Variants in RASGRF2 observed in about 807,000 individuals in gnomAD.
RASGRF2 encodes Ras protein specific guanine nucleotide releasing factor 2, also known as ras-specific guanine nucleotide-releasing factor 2.
RASGRF2 carries 76 observed loss-of-function variants against 151.0 expected under a neutral mutation model. That is an observed-to-expected ratio of 0.50 (90% confidence interval 0.42 to 0.61). The LOEUF (loss-of-function observed/expected upper bound fraction) is 0.61. Among genes scored for constraint, RASGRF2 ranks in the 20% least tolerant of loss-of-function variants. The pLI is 0.00. For missense variants in RASGRF2, 1,148 were observed against 1,564.6 expected, an observed-to-expected ratio of 0.73 and a Z score of 4.49; for synonymous variants, 504 against 566.5, an observed-to-expected ratio of 0.89 and a Z score of 1.57.
intron 1 of RASGRF2, among the ~76,000 whole-genome samples, chr5:80,971,499 C>T (rs1747931455): frequency 6.6e-6 from 1 of 151,610 alleles, no homozygotes; most frequent in African/African-American, 2.4e-5. Flanking sequence ...CCTCCTCAGG[C>T]TTAAGTGATC....
At chr5:81,154,846 T>C (rs1754224021) in intron 17 of RASGRF2, among the ~76,000 whole-genome samples, 1 of 152,232 alleles carries the variant, frequency 6.6e-6, no homozygotes, top group African/African-American at 2.4e-5. Flanking sequence ...TTTGATATTT[T>C]GAGAAACCTC....
chr5:81,146,699 A>G (rs2112611529), intron 17 of RASGRF2, among the ~76,000 whole-genome samples: 1 of 152,280 alleles, frequency 6.6e-6, no homozygotes, highest in Non-Finnish European at 1.5e-5. Context: ...TCTAGCCACC[A>G]CTGACCTCGC....
At chr5:81,028,735 G>A (rs1244684703) in intron 1 of RASGRF2, among the ~76,000 whole-genome samples, 1 of 152,222 alleles carries the variant, frequency 6.6e-6, no homozygotes, top group Non-Finnish European at 1.5e-5. Flanking sequence ...CCCAGGGTGA[G>A]CGACGCAGAA....
At chr5:80,966,374 T>C (rs1747722381) in intron 1 of RASGRF2, among the ~76,000 whole-genome samples, 1 of 152,178 alleles carries the variant, frequency 6.6e-6, no homozygotes. Flanking sequence ...AGACTGTAAA[T>C]AGTAAAATTT....
intron 26 of RASGRF2, among the ~76,000 whole-genome samples, chr5:81,224,287 G>T (rs116830227): frequency 5.3e-5 from 8 of 152,320 alleles, no homozygotes; most frequent in African/African-American, 1.9e-4. Flanking sequence ...AAATTTAAAA[G>T]ATTGATAATA....
chr5:81,123,869 T>TC, intron 16 of RASGRF2, 102 bp downstream of exon 16: 1 of 1,379,528 alleles, frequency 7.2e-7, no homozygotes, highest in Non-Finnish European at 9.7e-7. Context: ...ATAATTTTTT[T>TC]AGTCTCACTT....
At chr5:81,191,537 TA>T (rs1056426224) in intron 18 of RASGRF2, among the ~76,000 whole-genome samples, 4 of 152,160 alleles carry the variant, frequency 2.6e-5, no homozygotes, top group African/African-American at 4.8e-5. Flanking sequence ...TTAAGAAAGT[TA>T]AATACAGTTT....
At chr5:81,205,608 A>T (rs544696235) in intron 19 of RASGRF2, among the ~76,000 whole-genome samples, 1 of 152,192 alleles carries the variant, frequency 6.6e-6, no homozygotes. Flanking sequence ...AGAACATCAC[A>T]TCATCATTAC....
intron 17 of RASGRF2, among the ~76,000 whole-genome samples, chr5:81,128,500 G>A (rs1328652341): frequency 6.6e-6 from 1 of 152,194 alleles, no homozygotes; most frequent in Non-Finnish European, 1.5e-5. Flanking sequence ...ATCAGAGAAG[G>A]TTGTTATTCC....
intron 2 of RASGRF2, among the ~76,000 whole-genome samples, chr5:81,054,032 G>A (rs896739400): frequency 5.3e-5 from 8 of 152,174 alleles, no homozygotes; most frequent in African/African-American, 1.9e-4. Flanking sequence ...TTAGCCCTTT[G>A]TCAGATGAGT....
At chr5:81,128,042 G>T (rs932815288) in intron 17 of RASGRF2, among the ~76,000 whole-genome samples, 5 of 151,974 alleles carry the variant, frequency 3.3e-5, no homozygotes, top group Non-Finnish European at 7.4e-5. Flanking sequence ...GCACAGAACG[G>T]CAGATACTGC....
intron 2 of RASGRF2, among the ~76,000 whole-genome samples, chr5:81,047,254 G>T (rs538878514): frequency 8.5e-5 from 13 of 152,306 alleles, no homozygotes; most frequent in African/African-American, 2.9e-4. Context: ...TGATCCCTTG[G>T]CGTGTGGGGT....
At chr5:81,225,541 A>G in intron 26 of RASGRF2, 137 bp from the exon 27 acceptor site, 1 of 1,344,424 alleles carries the variant, frequency 7.4e-7, no homozygotes, top group Non-Finnish European at 9.8e-7. Context: ...AACAATGGAA[A>G]CATATTTATG....
chr5:81,203,084 C>T (rs1444114843), intron 19 of RASGRF2, among the ~76,000 whole-genome samples: 2 of 152,226 alleles, frequency 1.3e-5, no homozygotes, highest in Non-Finnish European at 2.9e-5. Context: ...AGGGATTCCA[C>T]TACTGTGTCT....
chr5:81,114,014 C>A, intron 15 of RASGRF2, 94 bp downstream of exon 15: 1 of 1,407,560 alleles, frequency 7.1e-7, no homozygotes, highest in Non-Finnish European at 9.6e-7. Flanking sequence ...CCTTTCTTTA[C>A]AACTGTAATA....
intron 18 of RASGRF2, among the ~76,000 whole-genome samples, chr5:81,196,033 C>T (rs1755257275): frequency 6.6e-6 from 1 of 152,182 alleles, no homozygotes; most frequent in Admixed American, 6.5e-5. Flanking sequence ...CCAAGAAGGG[C>T]AGATCATTTG....
At chr5:80,966,742 A>C (rs959715302) in intron 1 of RASGRF2, among the ~76,000 whole-genome samples, 7 of 152,328 alleles carry the variant, frequency 4.6e-5, no homozygotes, top group Admixed American at 1.3e-4. Flanking sequence ...ATGGACTCAC[A>C]GTTTTATTTT....
intron 16 of RASGRF2, among the ~76,000 whole-genome samples, chr5:81,126,596 A>G (rs2454870): frequency 0.28 from 41,936 of 152,012 alleles, 6,411 homozygotes; most frequent in Middle Eastern, 0.47. Context: ...GCAACCACTA[A>G]TCTACTTTCT....
chr5:81,116,160 G>A (rs1753150441), intron 15 of RASGRF2, among the ~76,000 whole-genome samples: 1 of 123,992 alleles, frequency 8.1e-6, no homozygotes, highest in East Asian at 2.6e-4. Flanking sequence ...TTGACTCACT[G>A]CAACCTCTGC....
Sources: gnomAD v4.1 joint callset for allele counts (sites outside exome capture counted in the v4.1 genomes callset) on GRCh38, gnomAD v4.1.1 for gene constraint, MANE v1.5 for transcripts, NCBI Gene and HGNC (gene_info 2026-07-23, HGNC 2026-07-21) for gene names.